The following SASS6 variants were observed in gnomAD, a reference collection of about 807,000 sequenced individuals.
The protein encoded by SASS6 is spindle assembly abnormal protein 6 homolog.
Under a neutral mutation model 94.9 loss-of-function variants are expected in SASS6, and 59 were observed. The ratio of observed to expected loss-of-function variants is 0.62; its 90% CI spans 0.50 to 0.77. The LOEUF (loss-of-function observed/expected upper bound fraction) is 0.77, where lower values mean the gene tolerates loss of function less well. Ranked by LOEUF, SASS6 falls within the 30% of genes least tolerant of loss-of-function variation. The probability of loss-of-function intolerance (pLI) is 0.00; values close to 1 mark genes in which losing one functional copy is unlikely to be tolerated. For missense variants in SASS6, 698 were observed against 734.1 expected (o/e 0.95, Z 0.57); for synonymous variants, 264 against 270.0 (o/e 0.98, Z 0.22).
At chr1:100,125,783 G>A (rs768437686) in intron 2 of SASS6, 99 bp downstream of exon 2, 157 of 727,156 alleles carry the variant, frequency 2.2e-4, no homozygotes, top group South Asian at 1.4e-3. Flanking sequence ...AAATGTAAAA[G>A]CAAAATAAAT....
chr1:100,128,628 A>G (rs1489503196), intron 1 of SASS6, among the ~76,000 whole-genome samples: 1 of 152,244 alleles, frequency 6.6e-6, no homozygotes, highest in Non-Finnish European at 1.5e-5. Context: ...TACGCTAACT[A>G]AAATCACAAA....
Position 100,110,249 on chromosome 1 carries a change from C to A in SASS6, c.861+43G>T, listed in dbSNP as rs769081967. On this transcript the variant is annotated intron_variant, in intron 8 of 16. Transcript: ENST00000287482. The stretch of plus-strand genomic sequence containing the variant: ...CCACATTAAAATAACCAAATCAAAA[C>A]GTTCTCTTAAATTGGGGGAGGAAAA... 3 of 1,233,696 alleles carry A rather than the reference C, an allele frequency of 2.4e-6. No individual in the cohort carries two copies. The South Asian group carries it at 4.7e-5, about 19-fold the overall frequency. The allele number at this position is 1,233,696 out of a possible 1,614,324, so 76.4% of individuals were successfully genotyped here.
At chr1:100,096,002 C>T (rs1449607383) in intron 14 of SASS6, among the ~76,000 whole-genome samples, 1 of 152,118 alleles carries the variant, frequency 6.6e-6, no homozygotes, top group Admixed American at 6.5e-5. Context: ...CTATAAATTC[C>T]TTATATACCT....
At chr1:100,116,751 A>G (rs1332930878) in intron 7 of SASS6, among the ~76,000 whole-genome samples, 2 of 152,212 alleles carry the variant, frequency 1.3e-5, no homozygotes, top group Non-Finnish European at 2.9e-5. Context: ...ATGCAAACAT[A>G]TATGATTCCA....
chr1:100,085,040 C>G lies in SASS6; in HGVS notation c.*288G>C, dbSNP rs1025725686. ...TCTCCCTCATAAGGATCAACTCTTTCCTTAGAACTGAATTTCTAAAGAATA... is the reference window on the plus strand; with the variant it reads ...TCTCCCTCATAAGGATCAACTCTTTGCTTAGAACTGAATTTCTAAAGAATA... On this transcript the variant is annotated 3_prime_UTR_variant, in exon 17 of 17. Coordinates refer to ENST00000287482, the MANE Select transcript of SASS6 (RefSeq NM_194292.3). 1 of 296,470 alleles carries G rather than the reference C, an allele frequency of 3.4e-6. No individual in the cohort carries two copies. The highest frequency in any genetic ancestry group is 6.4e-6 in the Non-Finnish European group (1 of 157,212). The allele number at this position is 296,470 out of a possible 1,614,324, so 18.4% of individuals were successfully genotyped here.
intron 14 of SASS6, 48 bp from the exon 15 acceptor site, chr1:100,088,284 A>G: frequency 1.1e-6 from 1 of 937,884 alleles, no homozygotes; most frequent in Non-Finnish European, 1.8e-6. Flanking sequence ...ATAGAAGTAG[A>G]CAGTTTTGGG....
At chr1:100,099,067 A>G (rs1172184921) in intron 14 of SASS6, among the ~76,000 whole-genome samples, 1 of 152,244 alleles carries the variant, frequency 6.6e-6, no homozygotes, top group African/African-American at 2.4e-5. Context: ...TTATTTTTAA[A>G]AAGTTAATAC....
chr1:100,103,954 A>T (rs552251896), intron 13 of SASS6, among the ~76,000 whole-genome samples: 3 of 152,192 alleles, frequency 2.0e-5, no homozygotes, highest in Non-Finnish European at 4.4e-5. Flanking sequence ...GCACACCATG[A>T]ACAAACATGG....
intron 2 of SASS6, among the ~76,000 whole-genome samples, chr1:100,123,761 G>A (rs1570710331): frequency 6.6e-6 from 1 of 152,166 alleles, no homozygotes; most frequent in South Asian, 2.1e-4. Context: ...AGAAGACCAG[G>A]GTATCAGGTA....
At chr1:100,097,589 C>G (rs932609829) in intron 14 of SASS6, among the ~76,000 whole-genome samples, 3 of 152,098 alleles carry the variant, frequency 2.0e-5, no homozygotes, top group Admixed American at 6.5e-5. Flanking sequence ...CTTTGGGAGG[C>G]TGAGGCAGGC....
At chr1:100,113,621 C>CA (rs1372789076) in intron 7 of SASS6, among the ~76,000 whole-genome samples, 115 of 69,176 alleles carry the variant, frequency 1.7e-3, no homozygotes, top group East Asian at 0.011. Context: ...GACTCGGTCT[C>CA]AAAAAAAAAA....
In SASS6 at chr1:100,086,376, CAAAT is replaced by C. The variant is rs1200771178; in HGVS notation, c.1773-750_1773-747del. Among the ~76,000 whole-genome samples, 7 of 151,930 alleles carry C rather than the reference CAAAT, an allele frequency of 4.6e-5. No homozygotes were observed. In the East Asian group the frequency reaches 5.8e-4, roughly 13 times the overall value. On this transcript the variant is annotated intron_variant, in intron 15 of 16. Transcript: ENST00000287482. Reference sequence around the variant, plus strand: ...CCCGGTGCCACTTTTTGCTAGCTGACAAATAAAAGAACCAGAAAAAACTCAAAAT... The same window carrying C: ...CCCGGTGCCACTTTTTGCTAGCTGACAAAAGAACCAGAAAAAACTCAAAAT...
At chr1:100,123,559 G>C (rs767103594) in intron 2 of SASS6, among the ~76,000 whole-genome samples, 1 of 152,236 alleles carries the variant, frequency 6.6e-6, no homozygotes, top group Non-Finnish European at 1.5e-5. Flanking sequence ...CCTCCTATCA[G>C]AGGCTTGGGG....
intron 7 of SASS6, among the ~76,000 whole-genome samples, chr1:100,111,597 C>T (rs1224084736): frequency 6.6e-6 from 1 of 151,972 alleles, no homozygotes; most frequent in Non-Finnish European, 1.5e-5. Flanking sequence ...AAGCTTGATG[C>T]AAGTTCCAAA....
chr1:100,114,032 A>T (rs1653602038), intron 7 of SASS6, among the ~76,000 whole-genome samples: 1 of 152,048 alleles, frequency 6.6e-6, no homozygotes, highest in African/African-American at 2.4e-5. Flanking sequence ...AAAAATAAAA[A>T]CACATAGATG....
At chr1:100,100,693 T>A (rs894019396) in intron 14 of SASS6, among the ~76,000 whole-genome samples, 2 of 152,212 alleles carry the variant, frequency 1.3e-5, no homozygotes, top group Admixed American at 1.3e-4. Context: ...ATCTTGACAG[T>A]AACATTTTAA....
intron 14 of SASS6, among the ~76,000 whole-genome samples, chr1:100,092,723 C>T (rs905331469): frequency 6.6e-6 from 1 of 152,006 alleles, no homozygotes; most frequent in Non-Finnish European, 1.5e-5. Context: ...CTACAGGCGC[C>T]CACCACCATG....
At chr1:100,111,459 A>G (rs1653323366) in intron 7 of SASS6, among the ~76,000 whole-genome samples, 3 of 152,078 alleles carry the variant, frequency 2.0e-5, no homozygotes, top group Admixed American at 2.0e-4. Flanking sequence ...CTGCCCTATT[A>G]CGGACATTTA....
At position 100,088,816 on chromosome 1, in the gene SASS6, C is replaced by G. The variant is rs145906361; in HGVS notation, c.1675-580G>C. Among the ~76,000 whole-genome samples the G allele has an allele frequency of 8.8e-3, 1,253 of 142,484 alleles. 10 individuals carry two copies. The highest frequency in any genetic ancestry group is 0.013 in the Non-Finnish European group (893 of 66,258). 93.5% of individuals were successfully genotyped at this position (142,484 alleles called of 152,430 possible). On this transcript the variant is annotated intron_variant, in intron 14 of 16. Coordinates refer to ENST00000287482, the MANE Select transcript of SASS6 (RefSeq NM_194292.3). The stretch of plus-strand genomic sequence containing the variant: ...CATCACTGCACTCTAGACTGGGCAA[C>G]AGAGCAAGACCCTGTCTATAAAAAA...
Sources: gnomAD v4.1 joint callset for allele counts (sites outside exome capture counted in the v4.1 genomes callset) on GRCh38, gnomAD v4.1.1 for gene constraint, MANE v1.5 for transcripts, NCBI Gene and HGNC (gene_info 2026-07-23, HGNC 2026-07-21) for gene names.